KDM4C: variants seen among roughly 807,000 people sequenced by gnomAD.
KDM4C encodes the protein lysine-specific demethylase 4C.
Under a neutral mutation model 129.3 loss-of-function variants are expected in KDM4C, and 81 were observed. The observed-to-expected ratio is 0.63, with a 90% CI of 0.52 to 0.75. The LOEUF (loss-of-function observed/expected upper bound fraction) is 0.75, where lower values mean the gene tolerates loss of function less well. Among genes scored for constraint, KDM4C ranks in the 30% least tolerant of loss-of-function variants. KDM4C has a pLI of 0.00. For missense variants in KDM4C, 1,457 were observed against 1,304.0 expected (o/e 1.12, Z -1.81); for synonymous variants, 573 against 456.1 (o/e 1.26, Z -3.26).
intron 8 of KDM4C, among the ~76,000 whole-genome samples, chr9:6,953,889 C>T (rs1045265581): frequency 2.6e-5 from 4 of 152,206 alleles, no homozygotes; most frequent in Non-Finnish European, 5.9e-5. Flanking sequence ...TCTGGTTCCT[C>T]TTCCAACCAT....
intron 2 of KDM4C, among the ~76,000 whole-genome samples, chr9:6,804,471 T>C (rs971076091): frequency 1.3e-5 from 2 of 152,172 alleles, no homozygotes; most frequent in African/African-American, 4.8e-5. Context: ...ATAAAGAATA[T>C]AATGTTGGCC....
At chr9:6,822,203 A>G (rs1393189152) in intron 4 of KDM4C, among the ~76,000 whole-genome samples, 1 of 152,144 alleles carries the variant, frequency 6.6e-6, no homozygotes, top group Non-Finnish European at 1.5e-5. Context: ...TTTCATTTGC[A>G]TATTATATAT....
intron 9 of KDM4C, chr9:6,982,246 C>T (rs764206269): frequency 2.7e-5 from 4 of 150,680 alleles, no homozygotes; most frequent in Non-Finnish European, 5.9e-5. Flanking sequence ...TTATTTTCTG[C>T]TTATTTAGAG....
intron 17 of KDM4C, among the ~76,000 whole-genome samples, chr9:7,077,710 T>C (rs1834084193): frequency 1.3e-5 from 2 of 152,162 alleles, no homozygotes; most frequent in African/African-American, 4.8e-5. Flanking sequence ...CTGAGTCTCA[T>C]CATCATTGCC....
At position 7,167,579 on chromosome 9, in the gene KDM4C, G is replaced by A. The variant is rs118065405; in HGVS notation, c.2902-2219G>A. ...ACCCTTCCCATTGTTAGCCCTCCCG[G>A]AAGTGACAGCAAGGGTTCTCATGTG... On this transcript the variant is annotated intron_variant, in intron 20 of 21. Transcript: ENST00000381309. 3.0e-4 allele frequency among the ~76,000 whole-genome samples: 45 copies of A among 152,296 alleles called. No individual in the cohort carries two copies. The East Asian group carries it at 7.9e-3, about 27-fold the overall frequency.
At chr9:7,010,530 C>G (rs972381667) in intron 12 of KDM4C, among the ~76,000 whole-genome samples, 1 of 152,190 alleles carries the variant, frequency 6.6e-6, no homozygotes, top group African/African-American at 2.4e-5. Context: ...GCACATTGCT[C>G]TACAGTATTT....
upstream of KDM4C, among the ~76,000 whole-genome samples, chr9:6,756,534 T>C (rs926245919): frequency 6.6e-6 from 1 of 152,214 alleles, no homozygotes; most frequent in African/African-American, 2.4e-5. Flanking sequence ...CTGGCCAACA[T>C]GGCGAAACCC....
At chr9:6,857,446 C>G (rs562123457) in intron 5 of KDM4C, among the ~76,000 whole-genome samples, 2 of 152,248 alleles carry the variant, frequency 1.3e-5, no homozygotes, top group African/African-American at 4.8e-5. Flanking sequence ...ATTTATTGAT[C>G]AAGTGGATCA....
intron 8 of KDM4C, among the ~76,000 whole-genome samples, chr9:6,964,493 A>T (rs1256867266): frequency 2.6e-5 from 4 of 152,102 alleles, no homozygotes; most frequent in African/African-American, 9.7e-5. Context: ...TCTATCATTG[A>T]TGGACATTTG....
At chr9:7,125,064 G>A (rs901446207) in intron 18 of KDM4C, among the ~76,000 whole-genome samples, 6 of 152,006 alleles carry the variant, frequency 3.9e-5, no homozygotes, top group African/African-American at 1.4e-4. Flanking sequence ...GGCTTCCTAG[G>A]TTCACAGAAT....
chr9:6,997,085 T>C (rs1185107540), intron 12 of KDM4C, among the ~76,000 whole-genome samples: 4 of 152,228 alleles, frequency 2.6e-5, no homozygotes, highest in Non-Finnish European at 5.9e-5. Flanking sequence ...GTGCCTGCGT[T>C]TACAAAGTAG....
At chr9:6,753,847 A>G (rs1170704566), upstream of KDM4C, among the ~76,000 whole-genome samples, 1 of 151,572 alleles carries the variant, frequency 6.6e-6, no homozygotes, top group Non-Finnish European at 1.5e-5. Context: ...TAAAAACACT[A>G]AGTATTACTA....
chr9:7,109,807 T>A (rs1333989975), intron 18 of KDM4C, among the ~76,000 whole-genome samples: 1 of 152,208 alleles, frequency 6.6e-6, no homozygotes, highest in Non-Finnish European at 1.5e-5. Context: ...TAAACCACTT[T>A]TAAATGGTTT....
chr9:6,764,060 G>GC (rs1216341472), intron 1 of KDM4C, among the ~76,000 whole-genome samples: 22 of 152,290 alleles, frequency 1.4e-4, no homozygotes, highest in African/African-American at 5.3e-4. Context: ...CTCCCAGCCA[G>GC]AATACACTTT....
rs1451644166 is a variant in KDM4C, at chr9:6,758,026, G to A, written c.-195G>A. The A allele has an allele frequency of 5.1e-6, 5 of 985,344 alleles. No homozygotes were observed. The highest frequency in any genetic ancestry group is 6.1e-5 in the Admixed American group (1 of 16,268). 61.0% of individuals were successfully genotyped at this position (985,344 alleles called of 1,614,324 possible). On this transcript the variant is annotated 5_prime_UTR_variant, in exon 1 of 22. Coordinates refer to ENST00000381309, the MANE Select transcript of KDM4C (RefSeq NM_015061.6). The surrounding 1 kb of genome is among the most constrained non-coding windows in gnomAD (Gnocchi z 4.6). ...CTGCCTCCCACCCACCCCCTCGACGGGAGGGTGAGGCGCGGCGCAGTGATC... is the reference window on the plus strand; with the variant it reads ...CTGCCTCCCACCCACCCCCTCGACGAGAGGGTGAGGCGCGGCGCAGTGATC...
intron 18 of KDM4C, among the ~76,000 whole-genome samples, chr9:7,109,651 G>A (rs7860449): frequency 0.83 from 126,492 of 152,208 alleles, 52,917 homozygotes; most frequent in African/African-American, 0.91. Flanking sequence ...CTTACTTTAT[G>A]TTACTTGACT....
chr9:6,811,919 G>A (rs1831223238), intron 3 of KDM4C, among the ~76,000 whole-genome samples: 1 of 152,148 alleles, frequency 6.6e-6, no homozygotes, highest in South Asian at 2.1e-4. Flanking sequence ...TGGAATAGCT[G>A]TGATTGTCCA....
chr9:7,022,322 A>G (rs1054802863), intron 15 of KDM4C, among the ~76,000 whole-genome samples: 3 of 151,934 alleles, frequency 2.0e-5, no homozygotes, highest in Non-Finnish European at 2.9e-5. Flanking sequence ...TTCCTCTTCA[A>G]TTTTTTGCAT....
intron 21 of KDM4C, among the ~76,000 whole-genome samples, chr9:7,173,761 G>A (rs922144527): frequency 8.5e-5 from 13 of 152,202 alleles, no homozygotes; most frequent in African/African-American, 3.1e-4. Context: ...GAAGAAGGAA[G>A]GCTTTCAGTT....
Sources: allele counts gnomAD v4.1 joint callset (sites outside exome capture counted in the v4.1 genomes callset), GRCh38; gene constraint gnomAD v4.1.1; non-coding constraint Gnocchi (gnomAD v3.1); transcripts MANE v1.5; gene names NCBI Gene and HGNC (gene_info 2026-07-23, HGNC 2026-07-21).